ROR1: variants seen among roughly 807,000 people sequenced by gnomAD.
ROR1 encodes ROR family WNT receptor 1.
A neutral mutation model predicts 78.8 loss-of-function variants in ROR1; 19 were observed. The observed-to-expected ratio is 0.24, with a 90% CI of 0.17 to 0.35. The LOEUF (loss-of-function observed/expected upper bound fraction) is 0.35. Among genes scored for constraint, ROR1 ranks in the 10% least tolerant of loss-of-function variants. ROR1 has a pLI of 1.00. For synonymous variants in ROR1, 386 were observed against 433.6 expected (o/e 0.89, Z 1.36); for missense variants, 917 against 1,177.8 (o/e 0.78, Z 3.24).
At chr1:63,880,967 C>T (rs1645318295) in intron 1 of ROR1, among the ~76,000 whole-genome samples, 1 of 152,110 alleles carries the variant, frequency 6.6e-6, no homozygotes, top group South Asian at 2.1e-4. Flanking sequence ...TTTTCTTATC[C>T]TCCTAATTTA....
At chr1:63,929,071 G>T (rs1645730992) in intron 1 of ROR1, among the ~76,000 whole-genome samples, 1 of 152,192 alleles carries the variant, frequency 6.6e-6, no homozygotes, top group Non-Finnish European at 1.5e-5. Flanking sequence ...TAGGCAGATT[G>T]ACACTTCCTG....
chr1:63,963,132 G>C (rs1294432511), intron 1 of ROR1, among the ~76,000 whole-genome samples: 1 of 152,172 alleles, frequency 6.6e-6, no homozygotes, highest in African/African-American at 2.4e-5. Context: ...ATCAGTATCT[G>C]ATACCTAGTA....
Position 63,964,582 on chromosome 1 carries a change from T to G in ROR1, c.92-44723T>G, listed in dbSNP as rs183927318. Among the ~76,000 whole-genome samples the G allele has an allele frequency of 3.0e-4, 45 of 152,296 alleles. No individual in the cohort carries two copies. The East Asian group carries it at 8.5e-3, about 29-fold the overall frequency. On this transcript the variant is annotated intron_variant, in intron 1 of 8. Transcript: ENST00000371079. ...CACATTCCCTTCCCCACTCGGAGCT[T>G]ACAGTTGATCTTCGAGGGTTCTGAC...
At chr1:64,109,504 C>T (rs1384215177) in intron 4 of ROR1, among the ~76,000 whole-genome samples, 2 of 152,060 alleles carry the variant, frequency 1.3e-5, no homozygotes, top group African/African-American at 4.8e-5. Context: ...GTGCACAGTG[C>T]CTAGATAGCA....
chr1:64,004,034 G>T (rs779949927), intron 1 of ROR1, among the ~76,000 whole-genome samples: 3 of 152,144 alleles, frequency 2.0e-5, no homozygotes, highest in African/African-American at 7.2e-5. Context: ...CTCAAAGCTC[G>T]GCCTCTGAGA....
chr1:64,104,583 A>G (rs1569764318), intron 4 of ROR1, among the ~76,000 whole-genome samples: 2 of 151,752 alleles, frequency 1.3e-5, no homozygotes, highest in East Asian at 3.9e-4. Flanking sequence ...TGCTGCACCT[A>G]TTGACCCGTC....
intron 8 of ROR1, among the ~76,000 whole-genome samples, chr1:64,171,709 C>T (rs755138046): frequency 1.3e-5 from 2 of 152,192 alleles, no homozygotes; most frequent in African/African-American, 4.8e-5. Context: ...GTTAAAGCCC[C>T]GTTTCTGTCC....
chr1:63,796,759 C>T (rs1256999831), intron 1 of ROR1, among the ~76,000 whole-genome samples: 2 of 151,956 alleles, frequency 1.3e-5, no homozygotes, highest in African/African-American at 4.8e-5. Context: ...GTAAGGGCAG[C>T]GGTGGAGAGA....
intron 1 of ROR1, among the ~76,000 whole-genome samples, chr1:63,863,009 C>CT (rs1645191569): frequency 6.6e-6 from 1 of 152,292 alleles, no homozygotes; most frequent in South Asian, 2.1e-4. Flanking sequence ...TGCCTAATCA[C>CT]TTTTTGTTTT....
intron 2 of ROR1, among the ~76,000 whole-genome samples, chr1:64,011,331 C>T (rs947810072): frequency 2.0e-5 from 3 of 152,172 alleles, no homozygotes; most frequent in East Asian, 1.9e-4. Flanking sequence ...AAATAAAAGA[C>T]CCTGAACATT....
chr1:63,947,590 A>G (rs1388077791), intron 1 of ROR1, among the ~76,000 whole-genome samples: 3 of 152,226 alleles, frequency 2.0e-5, no homozygotes, highest in African/African-American at 7.2e-5. Context: ...CTCCCCATCA[A>G]CCAAGAGGGC....
intron 4 of ROR1, among the ~76,000 whole-genome samples, chr1:64,081,052 T>A (rs1024332915): frequency 6.6e-6 from 1 of 152,142 alleles, no homozygotes. Context: ...AATTAGGCCT[T>A]TGTAGCTCTA....
At chr1:64,149,176 G>A (rs953020139) in intron 7 of ROR1, among the ~76,000 whole-genome samples, 1 of 152,180 alleles carries the variant, frequency 6.6e-6, no homozygotes, top group African/African-American at 2.4e-5. Flanking sequence ...TCAATAAAAT[G>A]TGTTGAATTA....
At chr1:63,840,454 G>A (rs1479276966) in intron 1 of ROR1, among the ~76,000 whole-genome samples, 3 of 151,630 alleles carry the variant, frequency 2.0e-5, no homozygotes, top group African/African-American at 7.3e-5. Flanking sequence ...TAATTTTTTT[G>A]TATTTTTAGT....
intron 4 of ROR1, among the ~76,000 whole-genome samples, chr1:64,128,806 C>T (rs558334662): frequency 4.3e-4 from 65 of 151,744 alleles, no homozygotes; most frequent in Non-Finnish European, 5.9e-4. Flanking sequence ...AAGTAAGTGT[C>T]GGGGGGAAGT....
chr1:63,784,425 A>T (rs1263146534), intron 1 of ROR1, among the ~76,000 whole-genome samples: 1 of 152,202 alleles, frequency 6.6e-6, no homozygotes, highest in Non-Finnish European at 1.5e-5. Flanking sequence ...AATTTGCCTG[A>T]TTTTCACTTG....
intron 1 of ROR1, among the ~76,000 whole-genome samples, chr1:63,859,830 C>A (rs1309958750): frequency 6.6e-6 from 1 of 152,216 alleles, no homozygotes. Flanking sequence ...GCTTCAGTCT[C>A]TTCCTCTTAA....
In ROR1 at chr1:64,161,961, G is replaced by GA. The variant is rs554041853; in HGVS notation, c.1386+2773dup. On this transcript the variant is annotated intron_variant, in intron 8 of 8. Transcript: ENST00000371079. ...TAAAGAAAATTCCTAAATGTAAACAGAAAATCTCTAAAACTGCTTTGGAAG... is the reference window on the plus strand; with the variant it reads ...TAAAGAAAATTCCTAAATGTAAACAGAAAAATCTCTAAAACTGCTTTGGAAG... Among the ~76,000 whole-genome samples the GA allele has an allele frequency of 5.3e-5, 8 of 152,194 alleles. No individual in the cohort carries two copies. The South Asian group carries it at 1.0e-3, about 20-fold the overall frequency.
intron 8 of ROR1, among the ~76,000 whole-genome samples, chr1:64,174,957 T>G (rs1253929848): frequency 2.5e-4 from 38 of 149,320 alleles, no homozygotes. Context: ...GACTTACAAT[T>G]GCAAAAGATA....
Sources: allele counts gnomAD v4.1 joint callset (sites outside exome capture counted in the v4.1 genomes callset), GRCh38; gene constraint gnomAD v4.1.1; transcripts MANE v1.5; gene names NCBI Gene and HGNC (gene_info 2026-07-23, HGNC 2026-07-21).